PRCP: variants seen among roughly 807,000 people sequenced by gnomAD.
PRCP encodes the protein lysosomal Pro-X carboxypeptidase.
A neutral mutation model predicts 54.2 loss-of-function variants in PRCP; 46 were observed. The ratio of observed to expected loss-of-function variants is 0.85; its 90% CI spans 0.67 to 1.09. PRCP has a LOEUF of 1.09. Ranked by LOEUF, PRCP falls within the 50% of genes least tolerant of loss-of-function variation. The probability of loss-of-function intolerance (pLI) is 0.00; values close to 1 mark genes in which losing one functional copy is unlikely to be tolerated. For missense variants in PRCP, 613 were observed against 596.8 expected (o/e 1.03, Z -0.28); for synonymous variants, 240 against 212.2 (o/e 1.13, Z -1.14).
At chr11:82,875,794 C>T (rs1217287103) in intron 1 of PRCP, among the ~76,000 whole-genome samples, 2 of 152,148 alleles carry the variant, frequency 1.3e-5, no homozygotes, top group Non-Finnish European at 2.9e-5. Context: ...TACACAAGGC[C>T]GTAGCGAAGG....
At chr11:82,877,703 C>T (rs1438912355) in intron 1 of PRCP, among the ~76,000 whole-genome samples, 1 of 152,198 alleles carries the variant, frequency 6.6e-6, no homozygotes, top group Non-Finnish European at 1.5e-5. Flanking sequence ...CATGGAAATG[C>T]CTGGATGCCC....
chr11:82,839,326 C>T lies in PRCP; in HGVS notation c.1021G>A (p.Val341Met). ...LNVYYNYSGQ[V>M]KCLNISETAT... Reference sequence around the variant, plus strand: ...GTCTCTGAAATATTCAGGCATTTCACCTGGCCCGAATAATTGTAATATACA... The same window carrying T: ...GTCTCTGAAATATTCAGGCATTTCATCTGGCCCGAATAATTGTAATATACA... Residue 341 changes from valine to methionine, a missense_variant, in exon 7 of 9, where the codon GTG (valine) becomes ATG (methionine). Transcript: ENST00000313010. 1 of 1,614,010 alleles carries T rather than the reference C, an allele frequency of 6.2e-7. No homozygotes were observed. The highest frequency in any genetic ancestry group is 8.5e-7 in the Non-Finnish European group (1 of 1,179,946).
rs568130376 is a variant in PRCP at position 82,849,805 on chromosome 11, A to G, written c.751+109T>C. 1.2e-5 allele frequency: 12 copies of G among 992,858 alleles called. No homozygotes were observed. In the African/African-American group the frequency reaches 1.5e-4, roughly 12 times the overall value. The allele number at this position is 992,858 out of a possible 1,614,324, so 61.5% of individuals were successfully genotyped here. ...GATTTTGATTTGTATAATTTTCTGT[A>G]TGTACATTATACTTTAACAAAATGT... On this transcript the variant is annotated intron_variant, in intron 5 of 8. Transcript: ENST00000313010.
intron 1 of PRCP, among the ~76,000 whole-genome samples, chr11:82,871,712 C>G (rs1859487540): frequency 6.6e-6 from 1 of 152,222 alleles, no homozygotes; most frequent in Admixed American, 6.5e-5. Flanking sequence ...CTGCAAAGAA[C>G]TGTGATGACC....
chr11:82,875,600 C>T (rs3793978), intron 1 of PRCP, among the ~76,000 whole-genome samples: 38,366 of 151,892 alleles, frequency 0.25, 5,131 homozygotes, highest in Non-Finnish European at 0.3. Context: ...CTCTGTGTGC[C>T]GGGCTATACT....
At chr11:82,879,098 A>C (rs868687374) in intron 1 of PRCP, among the ~76,000 whole-genome samples, 4 of 152,170 alleles carry the variant, frequency 2.6e-5, no homozygotes, top group African/African-American at 9.7e-5. Context: ...AGGTTTGGGA[A>C]GTTCTCCTGG....
chr11:82,877,986 C>G (rs1411040136), intron 1 of PRCP, among the ~76,000 whole-genome samples: 1 of 152,158 alleles, frequency 6.6e-6, no homozygotes, highest in Non-Finnish European at 1.5e-5. Flanking sequence ...AGGGGTGGAG[C>G]TGCCCAAGAC....
intron 1 of PRCP, among the ~76,000 whole-genome samples, chr11:82,890,827 C>T (rs752788627): frequency 2.6e-5 from 4 of 152,224 alleles, no homozygotes; most frequent in Admixed American, 6.5e-5. Context: ...TACCTTCTTA[C>T]GGAAATGCTT....
At chr11:82,848,692 A>T (rs1266851646) in intron 6 of PRCP, among the ~76,000 whole-genome samples, 1 of 152,252 alleles carries the variant, frequency 6.6e-6, no homozygotes, top group South Asian at 2.1e-4. Flanking sequence ...GATGGAAGTT[A>T]CACATATATC....
At chr11:82,826,612 CTTA>C (rs1351257829) in intron 8 of PRCP, 2 of 152,198 alleles carry the variant, frequency 1.3e-5, no homozygotes, top group African/African-American at 4.8e-5. Flanking sequence ...ATCTTCAACA[CTTA>C]TTATTATCTG....
intron 6 of PRCP, among the ~76,000 whole-genome samples, chr11:82,844,998 A>G (rs1186063028): frequency 6.6e-6 from 1 of 151,584 alleles, no homozygotes; most frequent in South Asian, 2.1e-4. Context: ...ATTTTGTGGC[A>G]ATATGAAATC....
In PRCP at chr11:82,850,410, T is replaced by A; in HGVS notation, c.507A>T (p.Glu169Asp). The A allele has an allele frequency of 6.2e-7, 1 of 1,607,302 alleles. No homozygotes were observed. The highest frequency in any genetic ancestry group is 8.5e-7 in the Non-Finnish European group (1 of 1,176,312). ...KHLKRTIPGAENQPVIAIGGS... is the reference protein window; with the variant it reads ...KHLKRTIPGADNQPVIAIGGS... ...CTCCTATGGCAATGACAGGTTGATT[T>A]TCAGCTCCTGGGATTGTTCTTTTCA... Residue 169 changes from glutamate to aspartate, a missense_variant, in exon 4 of 9, where the codon GAA (glutamate) becomes GAT (aspartate). Coordinates refer to ENST00000313010, the MANE Select transcript of PRCP (RefSeq NM_005040.4).
At chr11:82,900,050 T>G in intron 1 of PRCP, 185 bp downstream of exon 1, 1 of 712,808 alleles carries the variant, frequency 1.4e-6, no homozygotes, top group Non-Finnish European at 2.3e-6. Context: ...TTATTGGTAA[T>G]GGGAGGAGAA....
At chr11:82,851,819 T>C (rs1299817737) in intron 3 of PRCP, among the ~76,000 whole-genome samples, 3 of 152,146 alleles carry the variant, frequency 2.0e-5, no homozygotes, top group Admixed American at 6.6e-5. Context: ...TCCTATCTCC[T>C]ATATATGCCA....
chr11:82,858,664 G>C (rs1859144468), intron 2 of PRCP: 1 of 152,054 alleles, frequency 6.6e-6, no homozygotes, highest in Non-Finnish European at 1.5e-5. Flanking sequence ...AAAATCACTG[G>C]ACAGGGTAAG....
intron 1 of PRCP, among the ~76,000 whole-genome samples, chr11:82,865,859 A>G (rs955122668): frequency 2.0e-5 from 3 of 152,220 alleles, no homozygotes; most frequent in East Asian, 3.8e-4. Flanking sequence ...AAGGATGGAC[A>G]CTTTTATGTT....
chr11:82,889,100 A>C (rs1290545678), intron 1 of PRCP, among the ~76,000 whole-genome samples: 3 of 120,610 alleles, frequency 2.5e-5, no homozygotes, highest in African/African-American at 1.3e-4. Flanking sequence ...TCCCACCTGT[A>C]ATCCCAACAC....
Position 82,852,343 on chromosome 11 carries a change from G to C in PRCP, c.411+834C>G, listed in dbSNP as rs143127124. On this transcript the variant is annotated intron_variant, in intron 3 of 8. Transcript: ENST00000313010. Reference sequence around the variant, plus strand: ...AAAAATAAAAACTCCTTTCAAAATAGGCAGCCTAGTAAAGGACTGGCCCCA... The same window carrying C: ...AAAAATAAAAACTCCTTTCAAAATACGCAGCCTAGTAAAGGACTGGCCCCA... 2.3e-3 allele frequency among the ~76,000 whole-genome samples: 357 copies of C among 152,172 alleles called. 2 individuals carry two copies. The highest frequency in any genetic ancestry group is 8.3e-3 in the African/African-American group (344 of 41,500).
chr11:82,857,700 T>C (rs1421193104), intron 2 of PRCP, among the ~76,000 whole-genome samples: 1 of 152,252 alleles, frequency 6.6e-6, no homozygotes, highest in Non-Finnish European at 1.5e-5. Context: ...CTCAAGTGTT[T>C]TTGTTTTGAT....
Sources: gnomAD v4.1 joint callset for allele counts (sites outside exome capture counted in the v4.1 genomes callset) on GRCh38, gnomAD v4.1.1 for gene constraint, MANE v1.5 for transcripts, NCBI Gene and HGNC (gene_info 2026-07-23, HGNC 2026-07-21) for gene names.